Variants in TANC1 observed in about 807,000 individuals in gnomAD.
The protein encoded by TANC1 is protein TANC1.
A neutral mutation model predicts 149.7 loss-of-function variants in TANC1; 77 were observed. The observed-to-expected ratio is 0.51, with a 90% CI of 0.43 to 0.62. The LOEUF is 0.62. Among genes scored for constraint, TANC1 ranks in the 20% least tolerant of loss-of-function variants. TANC1 has a pLI of 0.00. For synonymous variants in TANC1, 854 were observed against 925.0 expected (o/e 0.92, Z 1.39); for missense variants, 1,985 against 2,321.8 (o/e 0.85, Z 2.98).
intron 19 of TANC1, among the ~76,000 whole-genome samples, chr2:159,209,899 C>T (rs915361947): frequency 1.3e-5 from 2 of 152,144 alleles, no homozygotes; most frequent in African/African-American, 4.8e-5. Context: ...GACCCTGCTG[C>T]TTTCAATTAA....
At chr2:159,203,838 A>G (rs1167118544) in intron 19 of TANC1, among the ~76,000 whole-genome samples, 5 of 149,396 alleles carry the variant, frequency 3.3e-5, no homozygotes. Context: ...CAGCCTCCCA[A>G]AGTGCTGGGA....
intron 9 of TANC1, 24 bp from the exon 10 acceptor site, chr2:159,170,500 A>T (rs2055089991): frequency 1.3e-6 from 2 of 1,561,860 alleles, no homozygotes; most frequent in African/African-American, 1.4e-5. Flanking sequence ...CATTTTTCTA[A>T]AATTTTTTTT....
rs748840067 is a variant in TANC1, at chr2:159,231,362, A to G, written c.*350A>G. 2.6e-5 allele frequency: 5 copies of G among 194,718 alleles called. No homozygotes were observed. The highest frequency in any genetic ancestry group is 1.1e-4 in the Admixed American group (2 of 18,986). 12.1% of individuals were successfully genotyped at this position (194,718 alleles called of 1,614,324 possible). On this transcript the variant is annotated 3_prime_UTR_variant, in exon 27 of 27. Transcript: ENST00000263635. ...ACTTACTTAGAGAATAAATATGTCTATTGTTCAAGAGTAACAGGTTTAACT... is the reference window on the plus strand; with the variant it reads ...ACTTACTTAGAGAATAAATATGTCTGTTGTTCAAGAGTAACAGGTTTAACT...
chr2:159,157,474 G>C (rs1160655287), intron 7 of TANC1, among the ~76,000 whole-genome samples: 1 of 152,172 alleles, frequency 6.6e-6, no homozygotes, highest in East Asian at 1.9e-4. Context: ...ATGCCTGCTG[G>C]GTGTGAGGTG....
chr2:159,143,455 A>G (rs1345817852), intron 5 of TANC1, among the ~76,000 whole-genome samples: 12 of 150,114 alleles, frequency 8.0e-5, no homozygotes. Context: ...CCTTTAAGAA[A>G]TTGCTGTTTC....
intron 2 of TANC1, among the ~76,000 whole-genome samples, chr2:159,037,276 G>A (rs1432181628): frequency 1.3e-5 from 2 of 152,008 alleles, no homozygotes. Flanking sequence ...TTGTCAGATG[G>A]GTAGATTGCA....
At chr2:159,080,157 C>G (rs1327155624) in intron 3 of TANC1, among the ~76,000 whole-genome samples, 3 of 152,150 alleles carry the variant, frequency 2.0e-5, no homozygotes, top group Non-Finnish European at 2.9e-5. Flanking sequence ...CTGGGCCTTG[C>G]CTGGAGACTG....
chr2:158,994,245 A>G (rs1390098304), intron 1 of TANC1, among the ~76,000 whole-genome samples: 2 of 152,102 alleles, frequency 1.3e-5, no homozygotes, highest in Non-Finnish European at 2.9e-5. Context: ...GATATATAGG[A>G]ATAGAGTGAT....
intron 7 of TANC1, among the ~76,000 whole-genome samples, chr2:159,160,029 C>T (rs997898393): frequency 2.6e-5 from 4 of 152,166 alleles, no homozygotes; most frequent in Non-Finnish European, 5.9e-5. Context: ...TATTCTACCC[C>T]TGTACACTAG....
At chr2:159,209,128 A>G (rs2058822457) in intron 19 of TANC1, among the ~76,000 whole-genome samples, 1 of 152,224 alleles carries the variant, frequency 6.6e-6, no homozygotes. Context: ...GTCACTGAGC[A>G]GCAGCGCCCC....
At position 159,231,271 on chromosome 2, in the gene TANC1, C is replaced by G; in HGVS notation, c.*259C>G. 1 of 339,204 alleles carries G rather than the reference C, an allele frequency of 2.9e-6. No homozygotes were observed. Among genetic ancestry groups the G allele is most frequent in the East Asian group, 5.3e-5 (1 of 18,932 alleles). 21.0% of individuals were successfully genotyped at this position (339,204 alleles called of 1,614,324 possible). ...CAGCCCAGAAGACATTAATGACTCT[C>G]ACTTATGAAATTGTTTGGCTTTTGC... is the stretch of plus-strand genomic sequence containing the variant. On this transcript the variant is annotated 3_prime_UTR_variant, in exon 27 of 27. Transcript: ENST00000263635.
In TANC1 at chr2:159,169,253, C is replaced by G; in HGVS notation, c.950C>G (p.Thr317Arg). The change falls in exon 9 of 27, where the codon ACA becomes AGA. Residue 317 changes from threonine (T) to arginine (R), a missense_variant. Coordinates refer to ENST00000263635, the MANE Select transcript of TANC1 (RefSeq NM_033394.3). ...AAACTTCAGTTTAATATTACAGCAA[C>G]AAGCTCAACCAAATTGGAAGATCTG... ...IMPRPNSVAA[T>R]SSTKLEDLSY... 1 of 1,613,440 alleles carries G rather than the reference C, an allele frequency of 6.2e-7. No homozygotes were observed.
At chr2:159,209,060 G>C (rs909823335) in intron 19 of TANC1, among the ~76,000 whole-genome samples, 1 of 152,208 alleles carries the variant, frequency 6.6e-6, no homozygotes, top group East Asian at 1.9e-4. Flanking sequence ...GTCGCTGACT[G>C]AAACATCATC....
chr2:159,095,733 C>CAAAAAAAAAAA (rs61191170), intron 3 of TANC1, among the ~76,000 whole-genome samples: 1 of 100,442 alleles, frequency 1.0e-5, no homozygotes, highest in Non-Finnish European at 1.9e-5. Context: ...AAGACTGTCT[C>CAAAAAAAAAAA]AAAAAAAAAA....
chr2:159,206,516 C>T (rs182267130), intron 19 of TANC1, among the ~76,000 whole-genome samples: 82 of 152,318 alleles, frequency 5.4e-4, no homozygotes, highest in Non-Finnish European at 5.9e-4. Flanking sequence ...GTCTCAAGCA[C>T]GAACAAATTA....
intron 4 of TANC1, among the ~76,000 whole-genome samples, chr2:159,129,336 A>G (rs2049829976): frequency 6.6e-6 from 1 of 152,180 alleles, no homozygotes; most frequent in Non-Finnish European, 1.5e-5. Flanking sequence ...GCAGTTTCTA[A>G]GCAGCAAAAT....
intron 2 of TANC1, chr2:159,056,014 C>A: frequency 3.2e-6 from 1 of 314,380 alleles, no homozygotes; most frequent in Non-Finnish European, 6.4e-6. Flanking sequence ...CTTGTTGCCC[C>A]ACTGGGCCAT....
chr2:159,200,254 CT>C (rs1412670165), intron 19 of TANC1, among the ~76,000 whole-genome samples: 1 of 152,160 alleles, frequency 6.6e-6, no homozygotes, highest in Non-Finnish European at 1.5e-5. Flanking sequence ...CTTTCATTGC[CT>C]AGTGATAAGA....
At chr2:158,987,264 G>A (rs1251446605) in intron 1 of TANC1, among the ~76,000 whole-genome samples, 1 of 147,220 alleles carries the variant, frequency 6.8e-6, no homozygotes, top group Non-Finnish European at 1.5e-5. Flanking sequence ...GGTGGCTCAT[G>A]CCTGTGATCC....
Sources: allele counts gnomAD v4.1 joint callset (sites outside exome capture counted in the v4.1 genomes callset), GRCh38; gene constraint gnomAD v4.1.1; transcripts MANE v1.5; gene names NCBI Gene and HGNC (gene_info 2026-07-23, HGNC 2026-07-21).